Variants in USP54 observed in about 807,000 individuals in gnomAD.
USP54 encodes ubiquitin carboxyl-terminal hydrolase 54.
USP54 carries 87 observed loss-of-function variants against 170.5 expected under a neutral mutation model. The observed-to-expected ratio is 0.51, with a 90% CI of 0.43 to 0.61. The LOEUF is 0.61. USP54 is among the 20% of genes least tolerant of loss of function. The probability of loss-of-function intolerance (pLI) is 0.00; values close to 1 mark genes in which losing one functional copy is unlikely to be tolerated. For missense variants in USP54, 1,786 were observed against 2,047.8 expected, an observed-to-expected ratio of 0.87 and a Z score of 2.47; for synonymous variants, 655 against 742.8, an observed-to-expected ratio of 0.88 and a Z score of 1.92.
chr10:73,544,415 GT>G (rs1309749219), intron 5 of USP54, among the ~76,000 whole-genome samples: 2 of 152,130 alleles, frequency 1.3e-5, no homozygotes, highest in Non-Finnish European at 2.9e-5. Flanking sequence ...GGACATTTGG[GT>G]TGTTTCCAGT....
intron 1 of USP54, among the ~76,000 whole-genome samples, chr10:73,580,975 C>G: frequency 6.6e-6 from 1 of 152,192 alleles, no homozygotes; most frequent in Non-Finnish European, 1.5e-5. Flanking sequence ...GCTATACCAT[C>G]TAGGTTTATG....
rs370059804 is a variant in USP54, at chr10:73,499,222, T to A, written c.4496-34A>T. On this transcript the variant is annotated intron_variant, in intron 23 of 23. Coordinates refer to ENST00000687698, the MANE Select transcript of USP54 (RefSeq NM_001391956.1). Reference sequence around the variant, plus strand: ...AGAAAAGAAACCCAAAGACTGAGCATCTTCAGAAAACCATTCTCCTTCCCA... The same window carrying A: ...AGAAAAGAAACCCAAAGACTGAGCAACTTCAGAAAACCATTCTCCTTCCCA... The A allele has an allele frequency of 3.2e-6, 5 of 1,550,504 alleles. No individual in the cohort carries two copies. The East Asian group carries it at 1.1e-4, about 35-fold the overall frequency.
chr10:73,616,642 AAAATT>A (rs1488545674), intron 1 of USP54, among the ~76,000 whole-genome samples: 2 of 150,210 alleles, frequency 1.3e-5, no homozygotes, highest in Admixed American at 6.6e-5. Flanking sequence ...CCAGGAACTT[AAAATT>A]AAATTAAATT....
At chr10:73,519,630 C>G in intron 19 of USP54, 167 bp downstream of exon 19, 1 of 995,680 alleles carries the variant, frequency 1.0e-6, no homozygotes, top group Non-Finnish European at 1.4e-6. Flanking sequence ...TAAGGACCAG[C>G]AGTACAATGA....
intron 10 of USP54, among the ~76,000 whole-genome samples, chr10:73,538,574 G>C (rs2065818559): frequency 6.6e-6 from 1 of 152,114 alleles, no homozygotes; most frequent in African/African-American, 2.4e-5. Context: ...CAACACTTTG[G>C]CAGGCTGAGG....
intron 1 of USP54, among the ~76,000 whole-genome samples, chr10:73,582,976 C>G (rs1024943062): frequency 1.3e-5 from 2 of 152,176 alleles, no homozygotes; most frequent in Admixed American, 6.5e-5. Context: ...ATATGATGCA[C>G]TGAAAAGGAC....
chr10:73,590,795 C>A (rs2078156623), intron 1 of USP54, among the ~76,000 whole-genome samples: 2 of 152,080 alleles, frequency 1.3e-5, no homozygotes, highest in Admixed American at 1.3e-4. Flanking sequence ...CACTATTCTG[C>A]TGATAGGAAA....
upstream of USP54, among the ~76,000 whole-genome samples, chr10:73,593,193 T>G (rs1484922341): frequency 6.8e-6 from 1 of 147,914 alleles, no homozygotes; most frequent in Non-Finnish European, 1.5e-5. Flanking sequence ...GCCCCTTCTC[T>G]ACAAAAAAAA....
intron 23 of USP54, 71 bp from the exon 24 acceptor site, chr10:73,499,259 C>T (rs1466401743): frequency 2.0e-6 from 3 of 1,480,424 alleles, no homozygotes; most frequent in Non-Finnish European, 2.7e-6. Context: ...AGAGCCATGC[C>T]TAGCTGTGTA....
rs199624020 is a variant in USP54, at chr10:73,530,766, C to A, written c.1385G>T (p.Arg462Met). Residue 462 changes from arginine to methionine, a missense_variant, in exon 13 of 24, where the codon AGG becomes ATG. Physicochemically the swap from Arg to Met is moderately conservative, Grantham distance 91. Around this residue, in one of 3 missense-constraint regions of USP54, gnomAD observed 1,418 missense variants for 1,569.0 expected, o/e 0.90. Transcript: ENST00000687698. ...TTTCCTCCTAACCCGACCAGAGCTC[C>A]TCTTGCGCTCTATCAGTGACCCTTT... Reference protein sequence around the residue: ...SKKGSLIERKRSSGRVRRKGD... With the variant: ...SKKGSLIERKMSSGRVRRKGD... The A allele has an allele frequency of 2.1e-4, 337 of 1,613,958 alleles. 1 individual carries two copies. Among genetic ancestry groups the A allele is most frequent in the Admixed American group, 3.7e-4 (22 of 59,998 alleles).
chr10:73,612,213 T>A (rs2080205898), intron 1 of USP54, among the ~76,000 whole-genome samples: 1 of 152,226 alleles, frequency 6.6e-6, no homozygotes, highest in South Asian at 2.1e-4. Flanking sequence ...ATTTTTAATC[T>A]GATCAATTTT....
At chr10:73,574,706 G>A (rs1158053892) in intron 3 of USP54, among the ~76,000 whole-genome samples, 1 of 152,042 alleles carries the variant, frequency 6.6e-6, no homozygotes, top group East Asian at 1.9e-4. Flanking sequence ...GAACCCAAGA[G>A]GCAGAGGTTG....
At chr10:73,542,039 T>C (rs2066710557) in intron 7 of USP54, 4 of 380,468 alleles carry the variant, frequency 1.1e-5, no homozygotes, top group Middle Eastern at 7.9e-4. Context: ...CTGTTCTGCA[T>C]TCCTACAATA....
chr10:73,571,360 C>T lies in USP54; in HGVS notation c.240+61G>A, dbSNP rs993328681. The T allele has an allele frequency of 1.1e-5, 16 of 1,426,032 alleles. No individual in the cohort carries two copies. In the African/African-American group the frequency reaches 1.3e-4, roughly 11 times the overall value. The allele number at this position is 1,426,032 out of a possible 1,614,324, so 88.3% of individuals were successfully genotyped here. A position where few individuals can be genotyped will look rare whatever the true frequency, so the allele number is the denominator to read the frequency against. On this transcript the variant is annotated intron_variant, in intron 4 of 23. Transcript: ENST00000687698. ...GCATCATCCTGATTAACCAAACCAC[C>T]TTGATATTGACCATTTGGCCACCCA... is the stretch of plus-strand genomic sequence containing the variant.
chr10:73,520,857 A>T, intron 18 of USP54, 51 bp downstream of exon 18: 3 of 1,612,872 alleles, frequency 1.9e-6, no homozygotes, highest in Non-Finnish European at 2.5e-6. Context: ...AATAATACCT[A>T]TTGTGAAGTT....
intron 1 of USP54, among the ~76,000 whole-genome samples, chr10:73,599,899 CTT>C (rs536461848): frequency 2.6e-4 from 31 of 117,896 alleles, no homozygotes; most frequent in Admixed American, 3.5e-4. Flanking sequence ...GCACTTTGGG[CTT>C]TTTTTTTTTT....
At position 73,563,569 on chromosome 10, in the gene USP54, C is replaced by T. The variant is rs554804554; in HGVS notation, c.240+7852G>A. 3.9e-5 allele frequency among the ~76,000 whole-genome samples: 6 copies of T among 152,288 alleles called. No homozygotes were observed. In the East Asian group the frequency reaches 1.2e-3, roughly 29 times the overall value. The stretch of plus-strand genomic sequence containing the variant: ...TCTCCTGCCTCAGCCTCCCAAATAG[C>T]TGAGATTACAGGCATGCACCACCAC... On this transcript the variant is annotated intron_variant, in intron 4 of 23. Coordinates refer to ENST00000687698, the MANE Select transcript of USP54 (RefSeq NM_001391956.1).
chr10:73,612,123 AATAG>A (rs771082250), intron 1 of USP54, among the ~76,000 whole-genome samples: 55 of 152,194 alleles, frequency 3.6e-4, no homozygotes, highest in Non-Finnish European at 1.6e-4. Context: ...AATAAAATAA[AATAG>A]ATAGACAGAA....
At chr10:73,589,141 C>T (rs1477414176) in intron 1 of USP54, among the ~76,000 whole-genome samples, 1 of 152,198 alleles carries the variant, frequency 6.6e-6, no homozygotes, top group Non-Finnish European at 1.5e-5. Flanking sequence ...ATGCTCATTC[C>T]TTGTTAAACA....
Sources: gnomAD v4.1 joint callset for allele counts (sites outside exome capture counted in the v4.1 genomes callset) on GRCh38, gnomAD v4.1.1 for gene constraint, gnomAD v4.1.1 regional missense constraint, MANE v1.5 for transcripts, NCBI Gene and HGNC (gene_info 2026-07-23, HGNC 2026-07-21) for gene names.